Variants in NUP188 observed in about 807,000 individuals in gnomAD.
NUP188 encodes nucleoporin 188.
In NUP188, 97 loss-of-function variants were observed where a neutral mutation model predicts 223.0. That is an observed-to-expected ratio of 0.43 (90% confidence interval 0.37 to 0.51). The LOEUF is 0.51. Ranked by LOEUF, NUP188 falls within the 20% of genes least tolerant of loss-of-function variation. NUP188 has a pLI of 0.00. For synonymous variants in NUP188, 869 were observed against 828.0 expected, an observed-to-expected ratio of 1.05 and a Z score of -0.85; for missense variants, 1,947 against 2,175.6, an observed-to-expected ratio of 0.89 and a Z score of 2.09.
chr9:129,002,162 C>G (rs993883502), intron 36 of NUP188, among the ~76,000 whole-genome samples, 186 bp downstream of exon 36: 1 of 152,258 alleles, frequency 6.6e-6, no homozygotes, highest in South Asian at 2.1e-4. Flanking sequence ...AAAGGCACCG[C>G]CTGGCCTTTG....
chr9:128,982,880 C>G, intron 16 of NUP188, 22 bp from the exon 17 acceptor site: 1 of 1,613,910 alleles, frequency 6.2e-7, no homozygotes, highest in Non-Finnish European at 8.5e-7. Context: ...GCCGTGAGGT[C>G]ACAGGCTGTC....
chr9:128,958,760 G>A, intron 6 of NUP188, 42 bp from the exon 7 acceptor site: 1 of 1,154,816 alleles, frequency 8.7e-7, no homozygotes, highest in Non-Finnish European at 1.2e-6. Flanking sequence ...AGTTTCCTAT[G>A]TGCAAAGGTG....
At chr9:128,953,954 C>T (rs537283249) in intron 3 of NUP188, among the ~76,000 whole-genome samples, 8 of 152,032 alleles carry the variant, frequency 5.3e-5, no homozygotes, top group African/African-American at 1.2e-4. Context: ...CTTGGCCTCC[C>T]GAGTGGCTGG....
chr9:128,987,080 AGAGAGAGAGTGTGTGTGT>A (rs1286861566), intron 22 of NUP188, among the ~76,000 whole-genome samples: 3 of 132,298 alleles, frequency 2.3e-5, no homozygotes, highest in African/African-American at 8.8e-5. Context: ...AGAGAGAGAG[AGAGAGAGAGTGTGTGTGT>A]GTGTGTGTGT....
intron 12 of NUP188, among the ~76,000 whole-genome samples, chr9:128,977,516 G>C (rs1201053460): frequency 1.3e-5 from 2 of 152,072 alleles, no homozygotes; most frequent in Admixed American, 6.5e-5. Context: ...AACAATTAAA[G>C]ACATTGTTCT....
chr9:128,949,882 G>A (rs908843711), intron 2 of NUP188, among the ~76,000 whole-genome samples: 3 of 150,210 alleles, frequency 2.0e-5, no homozygotes, highest in African/African-American at 7.4e-5. Context: ...ACTTGCCTTG[G>A]CATCTCAAAG....
intron 8 of NUP188, among the ~76,000 whole-genome samples, chr9:128,961,643 C>T (rs1296679701): frequency 5.7e-5 from 7 of 121,770 alleles, no homozygotes; most frequent in East Asian, 2.3e-4. Context: ...TTTTTTGAGA[C>T]GGAGTTTCGC....
intron 34 of NUP188, among the ~76,000 whole-genome samples, chr9:129,000,944 A>G (rs1842645371): frequency 1.3e-5 from 2 of 151,986 alleles, no homozygotes; most frequent in African/African-American, 4.8e-5. Flanking sequence ...AGGCTGAGGC[A>G]GGAGGATGGC....
intron 2 of NUP188, among the ~76,000 whole-genome samples, chr9:128,950,964 A>G (rs1252276836): frequency 6.6e-6 from 1 of 152,098 alleles, no homozygotes; most frequent in Non-Finnish European, 1.5e-5. Flanking sequence ...ACCTGTGTTC[A>G]TTGCTTGGCT....
chr9:128,984,367 C>G (rs1056575814), intron 19 of NUP188, among the ~76,000 whole-genome samples: 47 of 152,078 alleles, frequency 3.1e-4, no homozygotes, highest in Non-Finnish European at 1.3e-4. Context: ...CTCAACTGAT[C>G]CGCCTGCCTT....
At chr9:128,995,595 T>G in intron 30 of NUP188, 81 bp downstream of exon 30, 1 of 1,203,734 alleles carries the variant, frequency 8.3e-7, no homozygotes, top group South Asian at 1.5e-5. Flanking sequence ...TACAGCTCCT[T>G]GTGCGGAAGA....
chr9:128,969,262 G>A, intron 9 of NUP188, 138 bp from the exon 10 acceptor site: 1 of 593,598 alleles, frequency 1.7e-6, no homozygotes, highest in South Asian at 2.1e-5. Flanking sequence ...GCCTCTCAAA[G>A]TGTTAGGATT....
intron 8 of NUP188, among the ~76,000 whole-genome samples, chr9:128,963,442 C>T (rs1387537147): frequency 6.6e-6 from 1 of 151,580 alleles, no homozygotes; most frequent in Non-Finnish European, 1.5e-5. Flanking sequence ...TGCATCACCA[C>T]ACCTGGCTAA....
intron 11 of NUP188, among the ~76,000 whole-genome samples, chr9:128,972,676 G>A (rs547135915): frequency 1.3e-5 from 2 of 152,334 alleles, no homozygotes; most frequent in African/African-American, 4.8e-5. Flanking sequence ...TGCTATTTAT[G>A]TGTGGAGGCA....
At position 128,983,367 on chromosome 9, in the gene NUP188, G is replaced by T; in HGVS notation, c.1871G>T (p.Arg624Leu). ...CVNCLTVLAA[R>L]NPAKVWTDLR... is the part of the protein sequence containing the mutation. ...AACTGCTTAACTGTTTTGGCTGCCC[G>T]CAATCCAGCAAAGGTGAGATGCCAG... is the stretch of plus-strand genomic sequence containing the variant. Residue 624 changes from arginine to leucine, a missense_variant, in exon 18 of 44, where the codon CGC becomes CTC. Coordinates refer to ENST00000372577, the MANE Select transcript of NUP188 (RefSeq NM_015354.3). The T allele has an allele frequency of 6.2e-7, 1 of 1,614,064 alleles. No individual in the cohort carries two copies. The highest frequency in any genetic ancestry group is 8.5e-7 in the Non-Finnish European group (1 of 1,179,992).
chr9:128,962,784 T>C (rs1841974450), intron 8 of NUP188, among the ~76,000 whole-genome samples: 1 of 152,230 alleles, frequency 6.6e-6, no homozygotes, highest in South Asian at 2.1e-4. Context: ...ATATACTTTT[T>C]AATGGGAAGC....
In NUP188 at chr9:129,007,029, C is replaced by CTCTG. The variant is rs907911776; in HGVS notation, c.*355_*358dup. ...ACGGGTTTCAAACCTGTTTTCCACA[C>CTCTG]TCTGTCTTTGCAGTTTTGGTAATTC... On this transcript the variant is annotated 3_prime_UTR_variant, in exon 44 of 44. Coordinates refer to ENST00000372577, the MANE Select transcript of NUP188 (RefSeq NM_015354.3). 9.5e-4 allele frequency: 206 copies of CTCTG among 217,080 alleles called. No individual in the cohort carries two copies. The highest frequency in any genetic ancestry group is 4.3e-3 in the African/African-American group (188 of 43,692). The allele number at this position is 217,080 out of a possible 1,614,324, so 13.4% of individuals were successfully genotyped here. A position where few individuals can be genotyped will look rare whatever the true frequency, so the allele number is the denominator to read the frequency against.
At chr9:128,955,849 G>T (rs1338421844) in intron 3 of NUP188, among the ~76,000 whole-genome samples, 1 of 151,106 alleles carries the variant, frequency 6.6e-6, no homozygotes. Context: ...CCTGCTGTTG[G>T]AGTATTATAA....
intron 28 of NUP188, 127 bp from the exon 29 acceptor site, chr9:128,994,729 C>G: frequency 1.2e-6 from 1 of 804,966 alleles, no homozygotes; most frequent in Non-Finnish European, 2.1e-6. Flanking sequence ...TCAGGACATT[C>G]ACATTCAACA....
Sources: gnomAD v4.1 joint callset for allele counts (sites outside exome capture counted in the v4.1 genomes callset) on GRCh38, gnomAD v4.1.1 for gene constraint, MANE v1.5 for transcripts, NCBI Gene and HGNC (gene_info 2026-07-23, HGNC 2026-07-21) for gene names.